Variants in SELENON observed in about 807,000 individuals in gnomAD.
The protein encoded by SELENON is selenoprotein N, 1.
Under a neutral mutation model 59.5 loss-of-function variants are expected in SELENON, and 44 were observed. That is an observed-to-expected ratio of 0.74 (90% confidence interval 0.58 to 0.95). The LOEUF is 0.95. SELENON is among the 40% of genes least tolerant of loss of function. The pLI is 0.00. For synonymous variants in SELENON, 320 were observed against 305.6 expected, an observed-to-expected ratio of 1.05 and a Z score of -0.49; for missense variants, 674 against 721.4, an observed-to-expected ratio of 0.93 and a Z score of 0.75.
In SELENON at chr1:25,809,947, G is replaced by A. The variant is rs1378314599; in HGVS notation, c.1010+127G>A. ...TGCTCCCCAGAGCCCATCTCATGGGGCTGACGTGGCAGGAGGCGGCATGAG... is the reference window on the plus strand; with the variant it reads ...TGCTCCCCAGAGCCCATCTCATGGGACTGACGTGGCAGGAGGCGGCATGAG... On this transcript the variant is annotated intron_variant, in intron 7 of 12. Transcript: ENST00000361547. 1.8e-5 allele frequency: 23 copies of A among 1,262,126 alleles called. No individual in the cohort carries two copies. The African/African-American group carries it at 2.7e-4, about 15-fold the overall frequency. 78.2% of individuals were successfully genotyped at this position (1,262,126 alleles called of 1,614,324 possible).
At chr1:25,813,198 G>A (rs2047981798) in intron 10 of SELENON, among the ~76,000 whole-genome samples, 1 of 152,208 alleles carries the variant, frequency 6.6e-6, no homozygotes, top group Non-Finnish European at 1.5e-5. Context: ...CTGGGCTTGT[G>A]TTAATTGATT....
chr1:25,809,204 C>T (rs1283056124), intron 6 of SELENON, 54 bp downstream of exon 5: 16 of 1,611,178 alleles, frequency 9.9e-6, no homozygotes, highest in South Asian at 8.8e-5. Flanking sequence ...GACGGTACAG[C>T]GCCCAGAGGG....
chr1:25,811,404 C>T, intron 7 of SELENON, 50 bp from the exon 7 acceptor site: 3 of 1,482,352 alleles, frequency 2.0e-6, no homozygotes, highest in Middle Eastern at 1.7e-4. Context: ...TAAAGTGTGA[C>T]ACAGATAATG....
Position 25,811,697 on chromosome 1 carries a change from C to T in SELENON, c.1099C>T (p.Leu367=). Residue 367 remains leucine (L), a synonymous_variant, in exon 9 of 13, where the codon CTG becomes TTG. Coordinates refer to ENST00000361547, the MANE Select transcript of SELENON (RefSeq NM_020451.3). ...CCACTGACCTCTGGCCCAGATGGAG[C>T]TGGAGGCCACGGGCCCCTCTGTGCC... 1 of 1,610,206 alleles carries T rather than the reference C, an allele frequency of 6.2e-7. No individual in the cohort carries two copies. Among genetic ancestry groups the T allele is most frequent in the Non-Finnish European group, 8.5e-7 (1 of 1,178,402 alleles).
intron 4 of SELENON, among the ~76,000 whole-genome samples, chr1:25,805,807 T>A (rs2047901575): frequency 6.6e-6 from 1 of 152,036 alleles, no homozygotes; most frequent in Non-Finnish European, 1.5e-5. Context: ...CCTGAGAAGG[T>A]GGAGGTAGGA....
intron 6 of SELENON, among the ~76,000 whole-genome samples, 159 bp downstream of exon 5, chr1:25,809,309 T>C (rs2047937859): frequency 6.6e-6 from 1 of 152,228 alleles, no homozygotes; most frequent in Non-Finnish European, 1.5e-5. Context: ...TTCTCACCTG[T>C]GGATCCGGGT....
rs113030373 is a variant in SELENON, at chr1:25,807,273, CAG to C, written c.538-1306_538-1305del. On this transcript the variant is annotated intron_variant, in intron 4 of 12. Coordinates refer to ENST00000361547, the MANE Select transcript of SELENON (RefSeq NM_020451.3). The surrounding 1 kb of genome is among the most constrained non-coding windows in gnomAD (Gnocchi z 4.5). ...TCTCCCACTATAAGCTCCAAGAAGA[CAG>C]GGTGCACAGTGTACCCTGATAGAAA... is the stretch of plus-strand genomic sequence containing the variant. 0.017 allele frequency among the ~76,000 whole-genome samples: 2,530 copies of C among 152,294 alleles called. 74 individuals are homozygous for C. The highest frequency in any genetic ancestry group is 0.057 in the African/African-American group (2,350 of 41,562).
At position 25,807,124 on chromosome 1, in the gene SELENON, C is replaced by T. The variant is rs980957700; in HGVS notation, c.538-1456C>T. Among the ~76,000 whole-genome samples, 1 of 151,348 alleles carries T rather than the reference C, an allele frequency of 6.6e-6. No homozygotes were observed. The highest frequency in any genetic ancestry group is 1.5e-5 in the Non-Finnish European group (1 of 67,862). On this transcript the variant is annotated intron_variant, in intron 4 of 12. Coordinates refer to ENST00000361547, the MANE Select transcript of SELENON (RefSeq NM_020451.3). This position sits in a 1 kb window ranked among gnomAD's most constrained non-coding sequence, Gnocchi z 4.5. ...GGATTATAGGGATTACAGGTGTGAGCCACCATGCCCGGCCGGGAGCCCCTT... is the reference window on the plus strand; with the variant it reads ...GGATTATAGGGATTACAGGTGTGAGTCACCATGCCCGGCCGGGAGCCCCTT...
rs1215787471 is a variant in SELENON, at chr1:25,801,122, G to T, written c.263G>T (p.Ser88Ile). ...GACACTGACGGGGATATGTACATCA[G>T]CCCTGAGGAGTTCAAACCCATTGCT... Residue 88 changes from serine (S) to isoleucine (I), a missense_variant, in exon 2 of 13, where the codon AGC becomes ATC. Transcript: ENST00000361547. 2.5e-6 allele frequency: 4 copies of T among 1,614,046 alleles called. No individual in the cohort carries two copies. The East Asian group carries it at 6.7e-5, about 27-fold the overall frequency.
At chr1:25,801,378 C>CA (rs2124438141) in intron 2 of SELENON, among the ~76,000 whole-genome samples, 1 of 152,306 alleles carries the variant, frequency 6.6e-6, no homozygotes, top group East Asian at 1.9e-4. Flanking sequence ...TACCAGCTAA[C>CA]ATTCTTTGGT....
chr1:25,813,381 G>A (rs1401517123), intron 10 of SELENON, among the ~76,000 whole-genome samples: 1 of 152,206 alleles, frequency 6.6e-6, no homozygotes. Flanking sequence ...GCCCTCAAAG[G>A]GGGAGACACA....
At chr1:25,806,891 T>G (rs1367572145) in intron 4 of SELENON, among the ~76,000 whole-genome samples, 1 of 148,912 alleles carries the variant, frequency 6.7e-6, no homozygotes, top group Non-Finnish European at 1.5e-5. Context: ...GCGCGATCTC[T>G]GCTCACTGCA....
chr1:25,811,207 G>A (rs1433204669), intron 7 of SELENON, among the ~76,000 whole-genome samples: 4 of 152,226 alleles, frequency 2.6e-5, no homozygotes, highest in Admixed American at 6.5e-5. Flanking sequence ...GGCCCTTTGT[G>A]AATTGCGAGG....
chr1:25,808,490 G>C (rs566715766), intron 4 of SELENON, 90 bp from the exon 4 acceptor site: 130 of 1,491,106 alleles, frequency 8.7e-5, no homozygotes, highest in Non-Finnish European at 1.1e-4. Flanking sequence ...GGGCTGGCTC[G>C]GGGCTTGAGG....
intron 3 of SELENON, 76 bp from the exon 3 acceptor site, chr1:25,805,066 A>G (rs1486578526): frequency 5.0e-6 from 8 of 1,595,386 alleles, no homozygotes; most frequent in Non-Finnish European, 6.8e-6. Flanking sequence ...GTTAATCACC[A>G]GCTAGTGTGG....
Position 25,800,236 on chromosome 1 carries a change from C to T in SELENON, c.6C>T (p.Gly2=). The T allele has an allele frequency of 3.7e-6, 3 of 816,402 alleles. No individual in the cohort carries two copies. The highest frequency in any genetic ancestry group is 1.5e-6 in the Non-Finnish European group (1 of 678,488). 50.6% of individuals were successfully genotyped at this position (816,402 alleles called of 1,614,324 possible). A position where few individuals can be genotyped will look rare whatever the true frequency, so the allele number is the denominator to read the frequency against. The change falls in exon 1 of 13, where the codon GGC becomes GGT. Residue 2 remains glycine, a synonymous_variant. Coordinates refer to ENST00000361547, the MANE Select transcript of SELENON (RefSeq NM_020451.3). ...AGCCGCCGCCAGCCGCAGCCATGGG[C>T]CGGGCCCGGCCGGGCCAACGCGGGC...
At position 25,809,798 on chromosome 1, in the gene SELENON, C is replaced by T. The variant is rs1489695877; in HGVS notation, c.988C>T (p.Arg330Trp). ...AGACGCCACCCACGTCCGCGACTTC[C>T]GGCTCTTCGTGCCCAACCACAGGTG... is the stretch of plus-strand genomic sequence containing the variant. Residue 330 changes from arginine to tryptophan, a missense_variant, in exon 7 of 13, where the codon CGG becomes TGG. Arg to Trp is a moderately radical substitution (Grantham distance 101). Coordinates refer to ENST00000361547, the MANE Select transcript of SELENON (RefSeq NM_020451.3). 2.8e-5 allele frequency: 45 copies of T among 1,613,820 alleles called. No homozygotes were observed. Among genetic ancestry groups the T allele is most frequent in the Middle Eastern group, 1.6e-4 (1 of 6,084 alleles).
chr1:25,806,768 C>T (rs995329854), intron 4 of SELENON, among the ~76,000 whole-genome samples: 8 of 150,384 alleles, frequency 5.3e-5, no homozygotes, highest in Non-Finnish European at 5.9e-5. Context: ...GCACCTGTGG[C>T]GGAATTGCCA....
At chr1:25,805,693 G>C (rs377738860) in intron 4 of SELENON, among the ~76,000 whole-genome samples, 1 of 151,798 alleles carries the variant, frequency 6.6e-6, no homozygotes, top group Admixed American at 6.6e-5. Flanking sequence ...TCTTCCCCAC[G>C]GGGCATAGCA....
Sources: gnomAD v4.1 joint callset for allele counts (sites outside exome capture counted in the v4.1 genomes callset) on GRCh38, gnomAD v4.1.1 for gene constraint, Gnocchi (gnomAD v3.1) non-coding constraint, MANE v1.5 for transcripts, NCBI Gene and HGNC (gene_info 2026-07-23, HGNC 2026-07-21) for gene names.